CEP128: variants seen among roughly 807,000 people sequenced by gnomAD.
CEP128 encodes the protein centrosomal protein 128, also known as centrosomal protein 128kDa.
CEP128 carries 132 observed loss-of-function variants against 156.7 expected under a neutral mutation model. The observed-to-expected ratio is 0.84, with a 90% CI of 0.73 to 0.97. The LOEUF (loss-of-function observed/expected upper bound fraction) is 0.97. Among genes scored for constraint, CEP128 ranks in the 50% least tolerant of loss-of-function variants. CEP128 has a pLI of 0.00. For synonymous variants in CEP128, 469 were observed against 448.9 expected, an observed-to-expected ratio of 1.04 and a Z score of -0.57; for missense variants, 1,252 against 1,281.9, an observed-to-expected ratio of 0.98 and a Z score of 0.36.
At chr14:80,844,777 A>G (rs1273519238) in intron 9 of CEP128, among the ~76,000 whole-genome samples, 3 of 151,786 alleles carry the variant, frequency 2.0e-5, no homozygotes, top group African/African-American at 7.3e-5. Flanking sequence ...TCTTCTTATA[A>G]GATGTTTATT....
chr14:80,737,358 T>C (rs1898587880), intron 19 of CEP128, among the ~76,000 whole-genome samples: 1 of 151,580 alleles, frequency 6.6e-6, no homozygotes, highest in South Asian at 2.1e-4. Context: ...GAGCCAAGAT[T>C]GTGCCACCAC....
chr14:80,626,136 G>C (rs961821007), intron 19 of CEP128, among the ~76,000 whole-genome samples: 1 of 152,134 alleles, frequency 6.6e-6, no homozygotes, highest in African/African-American at 2.4e-5. Context: ...GGTTATTCAG[G>C]AGATCCCTAA....
chr14:80,795,518 T>C (rs1173645447), intron 13 of CEP128, among the ~76,000 whole-genome samples: 1 of 152,190 alleles, frequency 6.6e-6, no homozygotes, highest in Non-Finnish European at 1.5e-5. Context: ...CCACCAACTC[T>C]AGGTGAACTT....
intron 19 of CEP128, among the ~76,000 whole-genome samples, chr14:80,623,662 T>C (rs1237361870): frequency 2.6e-5 from 4 of 151,946 alleles, no homozygotes; most frequent in African/African-American, 9.7e-5. Flanking sequence ...CTTTGAATCT[T>C]CAATATGTAA....
chr14:80,868,343 A>G (rs2045541341), intron 8 of CEP128, among the ~76,000 whole-genome samples: 2 of 152,318 alleles, frequency 1.3e-5, no homozygotes, highest in South Asian at 2.1e-4. Flanking sequence ...CACAATATTT[A>G]AAGAGGTAAA....
Position 80,836,293 on chromosome 14 carries a change from T to C in CEP128, c.969A>G (p.Arg323=). The C allele has an allele frequency of 6.2e-7, 1 of 1,614,088 alleles. No homozygotes were observed. Among genetic ancestry groups the C allele is most frequent in the Non-Finnish European group, 8.5e-7 (1 of 1,179,966 alleles). The change falls in exon 12 of 25, where the codon CGA becomes CGG. Residue 323 remains arginine (R), a synonymous_variant. Coordinates refer to ENST00000555265, the MANE Select transcript of CEP128 (RefSeq NM_152446.5). The part of the protein sequence containing the change: ...RTQLTKAEGD[R]KGLQHQVSQI... ...GAGATACTTGATGCTGTAAACCCTT[T>C]CGATCACCTTCTGCTTTCGTAAGTT...
chr14:80,764,814 C>T (rs1900160575), intron 16 of CEP128, among the ~76,000 whole-genome samples: 1 of 152,186 alleles, frequency 6.6e-6, no homozygotes, highest in Non-Finnish European at 1.5e-5. Flanking sequence ...ACAAACAAAT[C>T]CTTCACCCCC....
chr14:80,565,521 A>G (rs918746043), intron 20 of CEP128, among the ~76,000 whole-genome samples: 1 of 152,170 alleles, frequency 6.6e-6, no homozygotes, highest in African/African-American at 2.4e-5. Context: ...CCCTGTCTTG[A>G]TAAATAGGCT....
At chr14:80,606,172 A>G (rs926473351) in intron 19 of CEP128, among the ~76,000 whole-genome samples, 6 of 152,012 alleles carry the variant, frequency 3.9e-5, no homozygotes, top group Non-Finnish European at 7.4e-5. Context: ...TGCCTAGTCC[A>G]TTAACAAATT....
intron 8 of CEP128, among the ~76,000 whole-genome samples, chr14:80,889,277 A>G (rs778885289): frequency 2.6e-5 from 4 of 152,200 alleles, no homozygotes; most frequent in Non-Finnish European, 4.4e-5. Context: ...TAGAAAAACT[A>G]CTTTAAATTT....
intron 19 of CEP128, among the ~76,000 whole-genome samples, chr14:80,720,276 T>C (rs553948164): frequency 3.9e-5 from 6 of 152,168 alleles, no homozygotes; most frequent in African/African-American, 1.4e-4. Flanking sequence ...AGAAGGGATA[T>C]TGCTAATCAT....
chr14:80,626,504 CAG>C lies in CEP128; in HGVS notation c.2807-46083_2807-46082del, dbSNP rs994566687. 4.1e-4 allele frequency among the ~76,000 whole-genome samples: 58 copies of C among 140,478 alleles called. No individual in the cohort carries two copies. The South Asian group carries it at 9.3e-3, about 22-fold the overall frequency. The allele number at this position is 140,478 out of a possible 152,430, so 92.2% of individuals were successfully genotyped here. On this transcript the variant is annotated intron_variant, in intron 19 of 24. Transcript: ENST00000555265. ...AAAAAAAAAAAAAAAAAGAGTGAGACAGGGGAGACTTGACCACATAGAGGAAA... is the reference window on the plus strand; with the variant it reads ...AAAAAAAAAAAAAAAAAGAGTGAGACGGGAGACTTGACCACATAGAGGAAA...
intron 1 of CEP128, among the ~76,000 whole-genome samples, chr14:80,959,101 G>T (rs1275030444): frequency 6.6e-6 from 1 of 152,178 alleles, no homozygotes; most frequent in Non-Finnish European, 1.5e-5. Flanking sequence ...TATGGATGCA[G>T]GGGAGAGAGT....
chr14:80,690,819 C>T (rs73336503), intron 19 of CEP128, among the ~76,000 whole-genome samples: 3,105 of 152,070 alleles, frequency 0.02, 100 homozygotes, highest in African/African-American at 0.071. Context: ...ATGAAAAATC[C>T]TAAATATGAT....
chr14:80,589,240 A>T (rs943934539), intron 19 of CEP128, among the ~76,000 whole-genome samples: 6 of 152,242 alleles, frequency 3.9e-5, no homozygotes, highest in South Asian at 2.1e-4. Context: ...GCACAGTGAG[A>T]TCCATTTTCA....
At chr14:80,812,225 G>A (rs934808062) in intron 13 of CEP128, among the ~76,000 whole-genome samples, 11 of 152,180 alleles carry the variant, frequency 7.2e-5, no homozygotes, top group Admixed American at 6.5e-4. Context: ...TTGCTGCAAA[G>A]GACATGATTT....
intron 19 of CEP128, among the ~76,000 whole-genome samples, chr14:80,636,132 C>T (rs1452452006): frequency 1.3e-5 from 2 of 152,172 alleles, no homozygotes; most frequent in Non-Finnish European, 2.9e-5. Context: ...CTGAAATATT[C>T]TATGGCTATG....
intron 8 of CEP128, among the ~76,000 whole-genome samples, chr14:80,884,855 G>A (rs1888721229): frequency 1.3e-5 from 2 of 152,112 alleles, no homozygotes; most frequent in Admixed American, 6.5e-5. Flanking sequence ...GAGCCAAGTG[G>A]TCTCACTCAG....
intron 19 of CEP128, among the ~76,000 whole-genome samples, chr14:80,619,143 TG>T (rs1343366174): frequency 6.6e-6 from 1 of 151,946 alleles, no homozygotes; most frequent in African/African-American, 2.4e-5. Flanking sequence ...CTGAGGCATA[TG>T]GAAAATGTAA....
Sources: gnomAD v4.1 joint callset for allele counts (sites outside exome capture counted in the v4.1 genomes callset) on GRCh38, gnomAD v4.1.1 for gene constraint, MANE v1.5 for transcripts, NCBI Gene and HGNC (gene_info 2026-07-23, HGNC 2026-07-21) for gene names.